The following WDR20 variants were observed in gnomAD, a reference collection of about 807,000 sequenced individuals.
WDR20 encodes the protein WD repeat-containing protein 20.
In WDR20, 3 loss-of-function variants were observed where a neutral mutation model predicts 38.7. That is an observed-to-expected ratio of 0.08 (90% CI 0.04 to 0.20). The LOEUF (loss-of-function observed/expected upper bound fraction) is 0.20. WDR20 is among the 10% of genes least tolerant of loss of function. WDR20 has a pLI of 1.00. For synonymous variants in WDR20, 298 were observed against 285.6 expected, an observed-to-expected ratio of 1.04 and a Z score of -0.44; for missense variants, 559 against 727.7, an observed-to-expected ratio of 0.77 and a Z score of 2.67.
downstream of WDR20, among the ~76,000 whole-genome samples, chr14:102,212,035 G>A (rs567528416): frequency 3.3e-4 from 51 of 152,246 alleles, no homozygotes; most frequent in African/African-American, 1.2e-3. Flanking sequence ...TGGGATGAAA[G>A]AGGGATTGCA....
rs2061864136 is a variant in WDR20 at position 102,207,984 on chromosome 14, C to T, written c.433-619C>T. On this transcript the variant is annotated intron_variant, in intron 2 of 2. Coordinates refer to ENST00000342702, the MANE Select transcript of WDR20 (RefSeq NM_144574.4). The surrounding 1 kb of genome is among the most constrained non-coding windows in gnomAD (Gnocchi z 5.0). ...GATGCTTATGGAGATGCACGTGGGG[C>T]GGTGCATGGGAGTGAGGCGGCCTCA... Among the ~76,000 whole-genome samples the T allele has an allele frequency of 6.6e-6, 1 of 152,082 alleles. No homozygotes were observed. The highest frequency in any genetic ancestry group is 2.4e-5 in the African/African-American group (1 of 41,424).
chr14:102,205,228 T>C (rs1411481889), intron 2 of WDR20, among the ~76,000 whole-genome samples: 1 of 149,392 alleles, frequency 6.7e-6, no homozygotes, highest in Admixed American at 6.7e-5. Flanking sequence ...ACCACTGCAC[T>C]CCAACCTGAG....
At chr14:102,148,852 C>T (rs894071644) in intron 1 of WDR20, among the ~76,000 whole-genome samples, 3 of 151,984 alleles carry the variant, frequency 2.0e-5, no homozygotes, top group Non-Finnish European at 4.4e-5. Flanking sequence ...GCCACTGTGC[C>T]TGGATAATTT....
chr14:102,204,173 G>C (rs968578699), intron 2 of WDR20, among the ~76,000 whole-genome samples: 1 of 152,154 alleles, frequency 6.6e-6, no homozygotes, highest in Non-Finnish European at 1.5e-5. Flanking sequence ...TTTGGGGTCT[G>C]ATGGGCCCGT....
chr14:102,156,447 C>T (rs1475782373), intron 1 of WDR20, among the ~76,000 whole-genome samples: 2 of 152,058 alleles, frequency 1.3e-5, no homozygotes, highest in Non-Finnish European at 2.9e-5. Flanking sequence ...GGATTGCAGG[C>T]GTGAGCCACT....
intron 1 of WDR20, among the ~76,000 whole-genome samples, chr14:102,160,039 C>T (rs775056995): frequency 2.0e-5 from 3 of 151,986 alleles, no homozygotes; most frequent in Non-Finnish European, 4.4e-5. Context: ...AGGAATTCAA[C>T]GCTTCAGTGA....
At chr14:102,143,005 G>A (rs890761159) in intron 1 of WDR20, among the ~76,000 whole-genome samples, 3 of 152,040 alleles carry the variant, frequency 2.0e-5, no homozygotes, top group African/African-American at 7.2e-5. Context: ...GTAGTCTAAC[G>A]TTCATGCTGA....
At chr14:102,146,401 G>A (rs2053665896) in intron 1 of WDR20, among the ~76,000 whole-genome samples, 1 of 152,094 alleles carries the variant, frequency 6.6e-6, no homozygotes, top group African/African-American at 2.4e-5. Flanking sequence ...CTGACCTTGT[G>A]ATCCACCCGT....
At chr14:102,205,260 C>CAAA (rs574170540) in intron 2 of WDR20, among the ~76,000 whole-genome samples, 1 of 116,792 alleles carries the variant, frequency 8.6e-6, no homozygotes, top group African/African-American at 3.0e-5. Flanking sequence ...GACCCTGTCT[C>CAAA]AAAAAAAAAA....
intron 1 of WDR20, among the ~76,000 whole-genome samples, chr14:102,161,236 C>T (rs1414880561): frequency 1.4e-5 from 2 of 142,872 alleles, no homozygotes; most frequent in South Asian, 2.3e-4. Context: ...CTGCAACCTC[C>T]GCCTCCCGGG....
intron 1 of WDR20, chr14:102,191,148 A>T (rs1350757251): frequency 6.6e-6 from 1 of 152,034 alleles, no homozygotes; most frequent in Non-Finnish European, 1.5e-5. Flanking sequence ...CTTGCAGGGG[A>T]GGGGTGGGCC....
At chr14:102,140,537 G>T (rs1396712962) in intron 1 of WDR20, among the ~76,000 whole-genome samples, 2 of 152,286 alleles carry the variant, frequency 1.3e-5, no homozygotes, top group Admixed American at 6.5e-5. Flanking sequence ...TGCTTCGATT[G>T]CCTCGCCTCC....
At chr14:102,206,152 A>G (rs2061500005) in intron 2 of WDR20, among the ~76,000 whole-genome samples, 1 of 151,992 alleles carries the variant, frequency 6.6e-6, no homozygotes. Flanking sequence ...ATGCCCAGCT[A>G]ATTTTTGTAT....
downstream of WDR20, among the ~76,000 whole-genome samples, chr14:102,219,937 G>T (rs1405305249): frequency 6.6e-6 from 1 of 152,230 alleles, no homozygotes; most frequent in African/African-American, 2.4e-5. Flanking sequence ...GCATGAAGGT[G>T]GTTCTAGTTG....
At chr14:102,189,520 A>G (rs986577290) in intron 1 of WDR20, among the ~76,000 whole-genome samples, 5 of 152,228 alleles carry the variant, frequency 3.3e-5, no homozygotes, top group Non-Finnish European at 7.3e-5. Context: ...CCTCTGTGCC[A>G]GGCTGGATAC....
intron 1 of WDR20, among the ~76,000 whole-genome samples, chr14:102,177,008 G>T (rs547055204): frequency 6.6e-6 from 1 of 152,124 alleles, no homozygotes; most frequent in Non-Finnish European, 1.5e-5. Context: ...GATTACAGGC[G>T]TAAGCCACCG....
intron 2 of WDR20, among the ~76,000 whole-genome samples, chr14:102,202,489 T>C (rs2060626785): frequency 6.9e-6 from 1 of 144,822 alleles, no homozygotes; most frequent in African/African-American, 2.5e-5. Flanking sequence ...CACACCATTC[T>C]CCTGCCTCAC....
At chr14:102,199,172 G>A (rs1156554066) in intron 2 of WDR20, among the ~76,000 whole-genome samples, 1 of 151,796 alleles carries the variant, frequency 6.6e-6, no homozygotes, top group East Asian at 2.0e-4. Flanking sequence ...AATGCTGAGG[G>A]CTCGGACACC....
intron 1 of WDR20, among the ~76,000 whole-genome samples, chr14:102,173,152 G>A (rs1321317699): frequency 6.6e-6 from 1 of 151,156 alleles, no homozygotes; most frequent in Non-Finnish European, 1.5e-5. Context: ...TTATTCTGTC[G>A]CGCAGGCTGG....
Sources: allele counts gnomAD v4.1 joint callset (sites outside exome capture counted in the v4.1 genomes callset), GRCh38; gene constraint gnomAD v4.1.1; non-coding constraint Gnocchi (gnomAD v3.1); transcripts MANE v1.5; gene names NCBI Gene and HGNC (gene_info 2026-07-23, HGNC 2026-07-21).